Variants in PTPN13 observed in about 807,000 individuals in gnomAD.
PTPN13 encodes the protein protein tyrosine phosphatase non-receptor type 13.
A neutral mutation model predicts 284.0 loss-of-function variants in PTPN13; 191 were observed. The ratio of observed to expected loss-of-function variants is 0.67; its 90% CI spans 0.60 to 0.76. The LOEUF (loss-of-function observed/expected upper bound fraction) is 0.76, where lower values mean the gene tolerates loss of function less well. PTPN13 is among the 30% of genes least tolerant of loss of function. PTPN13 has a pLI of 0.00. For missense variants in PTPN13, 2,797 were observed against 2,939.9 expected, an observed-to-expected ratio of 0.95 and a Z score of 1.12; for synonymous variants, 986 against 1,022.3, an observed-to-expected ratio of 0.96 and a Z score of 0.68.
At chr4:86,751,692 C>CT (rs1258546692) in intron 19 of PTPN13, among the ~76,000 whole-genome samples, 1 of 152,046 alleles carries the variant, frequency 6.6e-6, no homozygotes, top group Non-Finnish European at 1.5e-5. Context: ...TTTGGATTAC[C>CT]TTTTTTGGCT....
chr4:86,702,559 A>C (rs1731279564), intron 7 of PTPN13, among the ~76,000 whole-genome samples: 1 of 152,222 alleles, frequency 6.6e-6, no homozygotes, highest in African/African-American at 2.4e-5. Flanking sequence ...AAATAACTTT[A>C]TAAATGGTAA....
intron 39 of PTPN13, 95 bp downstream of exon 39, chr4:86,785,463 C>CTTCT: frequency 3.7e-6 from 4 of 1,067,834 alleles, no homozygotes; most frequent in Non-Finnish European, 5.3e-6. Flanking sequence ...ATTAGTTCTT[C>CTTCT]TTCTGTTCCT....
At chr4:86,611,679 A>C (rs543461605) in intron 1 of PTPN13, among the ~76,000 whole-genome samples, 1 of 152,316 alleles carries the variant, frequency 6.6e-6, no homozygotes, top group East Asian at 1.9e-4. Context: ...AGGCTGCGGC[A>C]TATGGTGGGA....
At chr4:86,616,032 AT>A (rs1051903984) in intron 1 of PTPN13, among the ~76,000 whole-genome samples, 7 of 152,190 alleles carry the variant, frequency 4.6e-5, no homozygotes, top group Non-Finnish European at 1.0e-4. Context: ...CACTGAATAA[AT>A]ATTTCTTATG....
chr4:86,643,648 TGAGAAATAC>T (rs1724077722), intron 2 of PTPN13, among the ~76,000 whole-genome samples: 1 of 152,160 alleles, frequency 6.6e-6, no homozygotes, highest in South Asian at 2.1e-4. Flanking sequence ...AAAGTGTGTA[TGAGAAATAC>T]CTACATATAC....
chr4:86,733,054 G>C (rs962942397), intron 12 of PTPN13, among the ~76,000 whole-genome samples: 3 of 151,868 alleles, frequency 2.0e-5, no homozygotes, highest in Admixed American at 2.0e-4. Context: ...TATGTTAATG[G>C]TCTACATGTG....
chr4:86,601,076 G>A (rs1468997221), intron 1 of PTPN13, among the ~76,000 whole-genome samples: 1 of 152,014 alleles, frequency 6.6e-6, no homozygotes, highest in Non-Finnish European at 1.5e-5. Flanking sequence ...CAAGGAATGA[G>A]CTTAAAGCAA....
At chr4:86,691,751 TG>T (rs1427006806) in intron 5 of PTPN13, among the ~76,000 whole-genome samples, 1 of 152,196 alleles carries the variant, frequency 6.6e-6, no homozygotes, top group African/African-American at 2.4e-5. Context: ...TAATTGGAAC[TG>T]GGGTGTTTTT....
intron 20 of PTPN13, among the ~76,000 whole-genome samples, chr4:86,757,790 C>T (rs1373642078): frequency 1.4e-5 from 2 of 138,266 alleles, no homozygotes; most frequent in African/African-American, 5.7e-5. Flanking sequence ...CCAGTTTCCT[C>T]TTGCTATTTT....
At chr4:86,679,294 G>C (rs1217661685) in intron 3 of PTPN13, among the ~76,000 whole-genome samples, 1 of 152,112 alleles carries the variant, frequency 6.6e-6, no homozygotes, top group Non-Finnish European at 1.5e-5. Context: ...TGTTCTCTCT[G>C]TGTACTTCTC....
At chr4:86,595,533 A>G (rs1763591122) in intron 1 of PTPN13, among the ~76,000 whole-genome samples, 1 of 152,154 alleles carries the variant, frequency 6.6e-6, no homozygotes. Context: ...AATATCACTA[A>G]GAGATTTACA....
intron 40 of PTPN13, among the ~76,000 whole-genome samples, chr4:86,788,371 G>T (rs1264006845): frequency 1.3e-5 from 2 of 152,070 alleles, no homozygotes; most frequent in African/African-American, 4.8e-5. Context: ...ATAATCTTTT[G>T]TAAGTTCTTG....
At chr4:86,627,590 T>TA (rs1565176660) in intron 1 of PTPN13, among the ~76,000 whole-genome samples, 2 of 152,058 alleles carry the variant, frequency 1.3e-5, no homozygotes, top group Admixed American at 1.3e-4. Flanking sequence ...TATAATTTGT[T>TA]AAGTTTTGAC....
chr4:86,707,290 T>C (rs1731877889), intron 7 of PTPN13, among the ~76,000 whole-genome samples: 1 of 152,252 alleles, frequency 6.6e-6, no homozygotes, highest in Non-Finnish European at 1.5e-5. Context: ...TTAAGTGTTA[T>C]TTGTTTAATG....
chr4:86,788,952 A>C (rs569356310), intron 40 of PTPN13, among the ~76,000 whole-genome samples: 74 of 152,348 alleles, frequency 4.9e-4, no homozygotes, highest in African/African-American at 1.7e-3. Flanking sequence ...AGGTGGATAA[A>C]GTTATTAAAG....
At chr4:86,721,885 C>T (rs1463565087) in intron 9 of PTPN13, among the ~76,000 whole-genome samples, 1 of 151,874 alleles carries the variant, frequency 6.6e-6, no homozygotes, top group African/African-American at 2.4e-5. Context: ...GCCAGGACTA[C>T]AGGTGTGTGC....
In PTPN13 at chr4:86,750,763, C is replaced by G; in HGVS notation, c.2944C>G (p.Arg982Gly). 2 of 1,613,490 alleles carry G rather than the reference C, an allele frequency of 1.2e-6. No individual in the cohort carries two copies. Among genetic ancestry groups the G allele is most frequent in the Non-Finnish European group, 1.7e-6 (2 of 1,179,646 alleles). The part of the protein sequence containing the change: ...DLSQASLYPH[R>G]KNVIVNMEPP... ...CAGTCAGGCCTCTCTCTATCCACAT[C>G]GGAAAAATGTCATTGTTAACATGGA... is the stretch of plus-strand genomic sequence containing the variant. Residue 982 changes from arginine (R) to glycine (G), a missense_variant, in exon 18 of 48, where the codon CGG (arginine) becomes GGG (glycine). By Grantham distance (125) the Arg-to-Gly change is moderately radical (BLOSUM62 -2). Coordinates refer to ENST00000411767, the MANE Select transcript of PTPN13 (RefSeq NM_080683.3).
In PTPN13 at chr4:86,785,933, T is replaced by C. The variant is rs1741850409; in HGVS notation, c.6342T>C (p.Thr2114=). Residue 2114 remains threonine, a synonymous_variant, in exon 40 of 48, where the codon ACT becomes ACC. Coordinates refer to ENST00000411767, the MANE Select transcript of PTPN13 (RefSeq NM_080683.3). The part of the protein sequence containing the change: ...CDGSPLPEYF[T]EATKMNGCEE... ...GTTCACCTTTACCTGAGTATTTTAC[T>C]GAGGTAACAATAATACCTAAACAAC... 1 of 1,534,482 alleles carries C rather than the reference T, an allele frequency of 6.5e-7. No individual in the cohort carries two copies. Among genetic ancestry groups the C allele is most frequent in the Non-Finnish European group, 8.8e-7 (1 of 1,132,758 alleles).
Position 86,722,280 on chromosome 4 carries a change from A to G in PTPN13, c.1454A>G (p.Glu485Gly). 6.2e-7 allele frequency: 1 copy of G among 1,613,880 alleles called. No individual in the cohort carries two copies. The highest frequency in any genetic ancestry group is 8.5e-7 in the Non-Finnish European group (1 of 1,179,832). ...NQEIMLKRQE[E>G]ELMQLQAKMA... The stretch of plus-strand genomic sequence containing the variant: ...GAGATCATGCTAAAACGGCAAGAGG[A>G]AGAACTGATGCAGCTACAAGCCAAA... Residue 485 changes from glutamate (E) to glycine (G), a missense_variant, in exon 10 of 48, where the codon GAA becomes GGA. Physicochemically the swap from Glu to Gly is moderately conservative, Grantham distance 98. Coordinates refer to ENST00000411767, the MANE Select transcript of PTPN13 (RefSeq NM_080683.3).
Sources: gnomAD v4.1 joint callset for allele counts (sites outside exome capture counted in the v4.1 genomes callset) on GRCh38, gnomAD v4.1.1 for gene constraint, MANE v1.5 for transcripts, NCBI Gene and HGNC (gene_info 2026-07-23, HGNC 2026-07-21) for gene names.